The following DMXL2 variants were observed in gnomAD, a reference collection of about 807,000 sequenced individuals.
The protein encoded by DMXL2 is dmX-like protein 2.
In DMXL2, 103 loss-of-function variants were observed where a neutral mutation model predicts 331.1. The ratio of observed to expected loss-of-function variants is 0.31; its 90% CI spans 0.27 to 0.37. DMXL2 has a LOEUF of 0.37. Ranked by LOEUF, DMXL2 falls within the 10% of genes least tolerant of loss-of-function variation. The pLI is 1.00. For synonymous variants in DMXL2, 1,281 were observed against 1,252.1 expected (o/e 1.02, Z -0.49); for missense variants, 3,171 against 3,642.9 (o/e 0.87, Z 3.33).
intron 1 of DMXL2, among the ~76,000 whole-genome samples, chr15:51,612,873 C>T (rs1185018948): frequency 1.3e-5 from 2 of 152,202 alleles, no homozygotes; most frequent in African/African-American, 2.4e-5. Flanking sequence ...CCATCTATGA[C>T]CGTAAAAGAC....
At chr15:51,530,032 T>TA (rs951740789) in intron 13 of DMXL2, among the ~76,000 whole-genome samples, 1 of 152,102 alleles carries the variant, frequency 6.6e-6, no homozygotes, top group South Asian at 2.1e-4. Context: ...CAATTAATGC[T>TA]AAAAAAGCAT....
intron 6 of DMXL2, among the ~76,000 whole-genome samples, chr15:51,550,227 C>A (rs192875940): frequency 4.6e-5 from 7 of 152,070 alleles, no homozygotes; most frequent in African/African-American, 1.7e-4. Flanking sequence ...ATCCAGCATC[C>A]CTTTATAATT....
chr15:51,538,033 G>A (rs1411543226), intron 10 of DMXL2, among the ~76,000 whole-genome samples, 180 bp downstream of exon 10: 2 of 152,204 alleles, frequency 1.3e-5, no homozygotes, highest in African/African-American at 4.8e-5. Context: ...TATAGAGTTA[G>A]ATGATGTTTG....
At chr15:51,619,144 T>C (rs1283157930) in intron 1 of DMXL2, among the ~76,000 whole-genome samples, 4 of 152,214 alleles carry the variant, frequency 2.6e-5, no homozygotes, top group Non-Finnish European at 1.5e-5. Flanking sequence ...AAATTTACAA[T>C]ATCTGTTGCA....
Position 51,536,386 on chromosome 15 carries a change from A to G in DMXL2, c.2094T>C (p.His698=). 6.2e-7 allele frequency: 1 copy of G among 1,613,656 alleles called. No individual in the cohort carries two copies. ...GAGGTTGTTTCGAGGAACCTTTTAT[A>G]TGTTTTACAGGGTCCATTAATCTAC... is the stretch of plus-strand genomic sequence containing the variant. ...KLSRLMDPVK[H]IKGSSKQPLR... Residue 698 remains histidine, a synonymous_variant, in exon 12 of 44, where the codon CAT becomes CAC. Transcript: ENST00000560891.
intron 1 of DMXL2, among the ~76,000 whole-genome samples, chr15:51,579,589 G>C (rs543892328): frequency 2.0e-5 from 3 of 152,148 alleles, no homozygotes; most frequent in Non-Finnish European, 4.4e-5. Flanking sequence ...TAGCTGTATA[G>C]TAAATAAATT....
rs566959294 is a variant in DMXL2 at position 51,545,468 on chromosome 15, C to T, written c.930+115G>A. The T allele has an allele frequency of 1.3e-5, 11 of 828,232 alleles. No individual in the cohort carries two copies. In the South Asian group the frequency reaches 2.2e-4, roughly 17 times the overall value. 51.3% of individuals were successfully genotyped at this position (828,232 alleles called of 1,614,324 possible). ...TACAAGCATAAATGAGAGTTTATTG[C>T]TATTAATTTCACTCATTACATGTAC... On this transcript the variant is annotated intron_variant, in intron 8 of 43. Coordinates refer to ENST00000560891, the MANE Select transcript of DMXL2 (RefSeq NM_001378457.1).
intron 23 of DMXL2, 22 bp downstream of exon 23, chr15:51,486,051 A>C: frequency 6.5e-7 from 1 of 1,535,920 alleles, no homozygotes; most frequent in Non-Finnish European, 8.8e-7. Flanking sequence ...AAGAAAAAAA[A>C]GAAATCCACA....
intron 13 of DMXL2, among the ~76,000 whole-genome samples, chr15:51,531,474 A>G (rs1248562113): frequency 6.6e-6 from 1 of 152,226 alleles, no homozygotes; most frequent in Non-Finnish European, 1.5e-5. Flanking sequence ...TGGTCTCAGC[A>G]AACATTTCCT....
rs764816480 is a variant in DMXL2 at position 51,547,441 on chromosome 15, T to C, written c.568-33A>G. ...ATACATAGGTCAATATAAAATTAAT[T>C]TGTACATACACAATTCAAAATTTAA... is the stretch of plus-strand genomic sequence containing the variant. On this transcript the variant is annotated intron_variant, in intron 6 of 43. Transcript: ENST00000560891. The C allele has an allele frequency of 4.0e-6, 6 of 1,486,740 alleles. No homozygotes were observed. The African/African-American group carries it at 8.6e-5, about 21-fold the overall frequency. The allele number at this position is 1,486,740 out of a possible 1,614,324, so 92.1% of individuals were successfully genotyped here.
chr15:51,502,252 T>G (rs1033069925), intron 17 of DMXL2, among the ~76,000 whole-genome samples: 1 of 133,874 alleles, frequency 7.5e-6, no homozygotes, highest in Non-Finnish European at 1.7e-5. Flanking sequence ...AAAAAAAAAA[T>G]TTACACTATT....
At chr15:51,568,194 T>C (rs2050419773) in intron 3 of DMXL2, 1 of 260,496 alleles carries the variant, frequency 3.8e-6, no homozygotes, top group Middle Eastern at 1.2e-3. Context: ...GGAAACCAGA[T>C]ATCAGATAGA....
intron 2 of DMXL2, among the ~76,000 whole-genome samples, chr15:51,572,284 C>A (rs558649379): frequency 7.6e-6 from 1 of 130,894 alleles, no homozygotes; most frequent in Non-Finnish European, 1.7e-5. Flanking sequence ...GAAATTGAGG[C>A]AATAATTAAT....
chr15:51,568,376 G>A (rs1318405193), intron 3 of DMXL2, 111 bp downstream of exon 3: 4 of 660,524 alleles, frequency 6.1e-6, no homozygotes, highest in Non-Finnish European at 1.0e-5. Flanking sequence ...ATTTTTCACT[G>A]ATACTCTAGT....
chr15:51,502,789 T>A lies in DMXL2; in HGVS notation c.2992+17A>T. On this transcript the variant is annotated intron_variant, in intron 17 of 43. Transcript: ENST00000560891. ...ATCACTCTGAGCTACCACTGCCCAG[T>A]CTTAAAGTGACCTTACCTGCTGAAG... 1 of 1,583,474 alleles carries A rather than the reference T, an allele frequency of 6.3e-7. No homozygotes were observed.
intron 13 of DMXL2, among the ~76,000 whole-genome samples, chr15:51,521,804 T>C (rs1452599973): frequency 6.6e-6 from 1 of 152,206 alleles, no homozygotes; most frequent in Non-Finnish European, 1.5e-5. Flanking sequence ...TTAACACTCT[T>C]AGCACCTGGT....
chr15:51,470,119 T>G (rs769317277), intron 29 of DMXL2, among the ~76,000 whole-genome samples: 4 of 152,156 alleles, frequency 2.6e-5, no homozygotes, highest in Non-Finnish European at 5.9e-5. Flanking sequence ...GACCACACTT[T>G]GAGAACCACT....
At chr15:51,599,052 T>A (rs1429064446) in intron 1 of DMXL2, among the ~76,000 whole-genome samples, 1 of 152,206 alleles carries the variant, frequency 6.6e-6, no homozygotes, top group Non-Finnish European at 1.5e-5. Context: ...TCAGTAAAAA[T>A]TCATGGATTT....
At chr15:51,587,942 TG>T (rs1453884094) in intron 1 of DMXL2, among the ~76,000 whole-genome samples, 7 of 152,348 alleles carry the variant, frequency 4.6e-5, no homozygotes, top group Admixed American at 1.3e-4. Context: ...TTTTTTCAGA[TG>T]TTTTTTGGCT....
Sources: gnomAD v4.1 joint callset for allele counts (sites outside exome capture counted in the v4.1 genomes callset) on GRCh38, gnomAD v4.1.1 for gene constraint, MANE v1.5 for transcripts, NCBI Gene and HGNC (gene_info 2026-07-23, HGNC 2026-07-21) for gene names.